The following LOXHD1 variants were observed in gnomAD, a reference collection of about 807,000 sequenced individuals.
The protein encoded by LOXHD1 is lipoxygenase homology PLAT domains 1.
A neutral mutation model predicts 248.2 loss-of-function variants in LOXHD1; 205 were observed. The ratio of observed to expected loss-of-function variants is 0.83; its 90% confidence interval spans 0.74 to 0.93. The LOEUF (loss-of-function observed/expected upper bound fraction) is 0.93, where lower values mean the gene tolerates loss of function less well. LOXHD1 is among the 40% of genes least tolerant of loss of function. LOXHD1 has a pLI of 0.00. For synonymous variants in LOXHD1, 1,113 were observed against 1,162.8 expected (o/e 0.96, Z 0.87); for missense variants, 2,930 against 2,971.6 (o/e 0.99, Z 0.33).
chr18:46,597,422 G>T (rs184911272), intron 8 of LOXHD1, among the ~76,000 whole-genome samples: 1 of 152,170 alleles, frequency 6.6e-6, no homozygotes, highest in African/African-American at 2.4e-5. Flanking sequence ...GATTGAACTC[G>T]CTAGGAGGCT....
Position 46,628,190 on chromosome 18 carries a change from A to G in LOXHD1, c.512-9900T>C, listed in dbSNP as rs531839479. On this transcript the variant is annotated intron_variant, in intron 4 of 40. Transcript: ENST00000642948. ...CCTCTCTGAAATGGAGGAAGAGTAGATAAAGTCCCTTTTGGTCCTTAAATT... is the reference window on the plus strand; with the variant it reads ...CCTCTCTGAAATGGAGGAAGAGTAGGTAAAGTCCCTTTTGGTCCTTAAATT... Among the ~76,000 whole-genome samples, 3 of 152,360 alleles carry G rather than the reference A, an allele frequency of 2.0e-5. No homozygotes were observed. In the East Asian group the frequency reaches 5.8e-4, roughly 29 times the overall value.
rs1599034796 is a variant in LOXHD1 at position 46,592,589 on chromosome 18, G to T, written c.1432-5C>A. Reference sequence around the variant, plus strand: ...GCCAAGATCCGGGAGCTCAATCTATGGTGAGAAATAAAAACATTTGAGTGG... The same window carrying T: ...GCCAAGATCCGGGAGCTCAATCTATTGTGAGAAATAAAAACATTTGAGTGG... On this transcript the variant is annotated splice_region_variant and splice_polypyrimidine_tract_variant and intron_variant, in intron 10 of 40. Coordinates refer to ENST00000642948, the MANE Select transcript of LOXHD1 (RefSeq NM_001384474.1). 3.2e-6 allele frequency: 5 copies of T among 1,550,386 alleles called. No individual in the cohort carries two copies. The East Asian group carries it at 1.2e-4, about 38-fold the overall frequency.
intron 37 of LOXHD1, 115 bp downstream of exon 37, chr18:46,505,723 A>G: frequency 9.2e-7 from 1 of 1,085,792 alleles, no homozygotes; most frequent in Non-Finnish European, 1.3e-6. Context: ...AACTGTGTTC[A>G]GTTTTCTGCC....
intron 4 of LOXHD1, among the ~76,000 whole-genome samples, chr18:46,624,962 C>G (rs569449367): frequency 1.1e-3 from 164 of 152,170 alleles, no homozygotes; most frequent in African/African-American, 3.9e-3. Flanking sequence ...TTGCAATGGG[C>G]CATTCACTTC....
intron 14 of LOXHD1, among the ~76,000 whole-genome samples, chr18:46,572,760 C>G (rs550880540): frequency 2.6e-5 from 4 of 152,004 alleles, no homozygotes; most frequent in Admixed American, 2.6e-4. Flanking sequence ...CCCAGGCTGT[C>G]GGCAGCCTGC....
intron 14 of LOXHD1, 52 bp from the exon 15 acceptor site, chr18:46,572,214 T>A: frequency 6.8e-7 from 1 of 1,478,254 alleles, no homozygotes; most frequent in Admixed American, 2.0e-5. Context: ...AGGCAGACAA[T>A]CAAAGCTTCA....
chr18:46,507,592 C>A lies in LOXHD1; in HGVS notation c.5638G>T (p.Glu1880Ter), dbSNP rs1568111097. 6.4e-7 allele frequency: 1 copy of A among 1,551,760 alleles called. No individual in the cohort carries two copies. Among genetic ancestry groups the A allele is most frequent in the Non-Finnish European group, 8.7e-7 (1 of 1,147,002 alleles). Residue 1880 changes from glutamate (E) to a stop codon, truncating the protein, a stop_gained, in exon 36 of 41, where the codon GAA becomes TAA. Coordinates refer to ENST00000642948, the MANE Select transcript of LOXHD1 (RefSeq NM_001384474.1). LOFTEE classifies it high-confidence loss of function. Reference sequence around the variant, plus strand: ...GTGTAGGAGGTCCACTCCATCATTTCTTCCTCATCGATAACGGCACACATT... The same window carrying A: ...GTGTAGGAGGTCCACTCCATCATTTATTCCTCATCGATAACGGCACACATT... ...CEMCAVIDEE[E>*]MMEWTSYTVA...
chr18:46,515,176 T>C (rs2035183928), intron 34 of LOXHD1, among the ~76,000 whole-genome samples: 1 of 152,206 alleles, frequency 6.6e-6, no homozygotes, highest in South Asian at 2.1e-4. Flanking sequence ...AGCCTCATGA[T>C]ACCTTCTGTG....
chr18:46,506,162 A>T (rs749615913), intron 36 of LOXHD1, 139 bp from the exon 37 acceptor site: 1 of 810,802 alleles, frequency 1.2e-6, no homozygotes, highest in Non-Finnish European at 1.9e-6. Context: ...GCCAGGGGTG[A>T]GGTTGGAAAG....
intron 1 of LOXHD1, among the ~76,000 whole-genome samples, chr18:46,653,369 T>A (rs1340046114): frequency 6.6e-6 from 1 of 152,244 alleles, no homozygotes; most frequent in Non-Finnish European, 1.5e-5. Context: ...TATTCTGATC[T>A]GAATACTGGT....
chr18:46,553,025 C>A (rs1344397236), intron 21 of LOXHD1, among the ~76,000 whole-genome samples: 1 of 152,208 alleles, frequency 6.6e-6, no homozygotes, highest in African/African-American at 2.4e-5. Context: ...CAAAGATGTC[C>A]CCACCCATGA....
At chr18:46,558,925 C>T (rs374544237) in intron 20 of LOXHD1, 8 of 364,434 alleles carry the variant, frequency 2.2e-5, no homozygotes, top group Admixed American at 7.0e-5. Context: ...AGCTTATCCA[C>T]TGGGGCTTAG....
chr18:46,577,842 A>G lies in LOXHD1; in HGVS notation c.1835T>C (p.Val612Ala), dbSNP rs2037888813. 1 of 1,551,674 alleles carries G rather than the reference A, an allele frequency of 6.4e-7. No homozygotes were observed. ...GNADEFTIES[V>A]TMRNVRRVRI... is the part of the protein sequence containing the mutation. ...CACCCGCCTCACATTCCGCATGGTG[A>G]CAGACTCGATAGTGAACTCGTCAGC... is the stretch of plus-strand genomic sequence containing the variant. Residue 612 changes from valine to alanine, a missense_variant, in exon 14 of 41, where the codon GTC becomes GCC. Val to Ala is a moderately conservative substitution (Grantham distance 64). Transcript: ENST00000642948.
At chr18:46,532,590 A>C (rs1425635571) in intron 28 of LOXHD1, among the ~76,000 whole-genome samples, 1 of 152,002 alleles carries the variant, frequency 6.6e-6, no homozygotes, top group Non-Finnish European at 1.5e-5. Context: ...AGGAGTGGCC[A>C]GTCTGATGCA....
chr18:46,481,334 C>A (rs571084229), intron 40 of LOXHD1, among the ~76,000 whole-genome samples: 1 of 152,034 alleles, frequency 6.6e-6, no homozygotes, highest in African/African-American at 2.4e-5. Context: ...GAACTGCAGG[C>A]GACAGGTTTT....
At chr18:46,569,369 T>A in intron 16 of LOXHD1, 73 bp downstream of exon 16, 3 of 1,250,742 alleles carry the variant, frequency 2.4e-6, no homozygotes, top group Non-Finnish European at 2.3e-6. Context: ...GACATATGTG[T>A]GTGTGGACAC....
At chr18:46,503,760 C>A (rs747141530) in intron 37 of LOXHD1, among the ~76,000 whole-genome samples, 1 of 152,178 alleles carries the variant, frequency 6.6e-6, no homozygotes, top group Non-Finnish European at 1.5e-5. Flanking sequence ...CCACTGCATG[C>A]TTTTCTGGAC....
At chr18:46,548,716 A>C (rs1335296466) in intron 21 of LOXHD1, among the ~76,000 whole-genome samples, 1 of 152,182 alleles carries the variant, frequency 6.6e-6, no homozygotes, top group East Asian at 1.9e-4. Context: ...GTGGAGACAG[A>C]GTGTGTAGGA....
intron 1 of LOXHD1, among the ~76,000 whole-genome samples, chr18:46,652,880 C>T (rs2039129741): frequency 6.6e-6 from 1 of 152,304 alleles, no homozygotes; most frequent in Middle Eastern, 3.4e-3. Context: ...TATTGTGTCA[C>T]ACGTGGATAA....
Sources: gnomAD v4.1 joint callset for allele counts (sites outside exome capture counted in the v4.1 genomes callset) on GRCh38, gnomAD v4.1.1 for gene constraint, MANE v1.5 for transcripts, NCBI Gene and HGNC (gene_info 2026-07-23, HGNC 2026-07-21) for gene names.